The following LRRC74A variants were observed in gnomAD, a reference collection of about 807,000 sequenced individuals.
LRRC74A encodes leucine rich repeat containing 74A.
LRRC74A carries 44 observed loss-of-function variants against 57.9 expected under a neutral mutation model. That is an observed-to-expected ratio of 0.76 (90% CI 0.60 to 0.98). The LOEUF (loss-of-function observed/expected upper bound fraction) is 0.98. LRRC74A is among the 50% of genes least tolerant of loss of function. The probability of loss-of-function intolerance (pLI) is 0.00; values close to 1 mark genes in which losing one functional copy is unlikely to be tolerated. For missense variants in LRRC74A, 572 were observed against 574.0 expected (o/e 1.00, Z 0.04); for synonymous variants, 211 against 219.4 (o/e 0.96, Z 0.34).
chr14:76,859,257 A>C (rs1290925950), intron 10 of LRRC74A, among the ~76,000 whole-genome samples: 1 of 152,114 alleles, frequency 6.6e-6, no homozygotes, highest in East Asian at 1.9e-4. Context: ...ATGTTCTCTC[A>C]GGCGCGGTGA....
rs527423970 is a variant in LRRC74A at position 76,830,874 on chromosome 14, AT to A, written c.167-328del. Among the ~76,000 whole-genome samples, 31 of 152,362 alleles carry A rather than the reference AT, an allele frequency of 2.0e-4. 1 individual carries two copies. In the East Asian group the frequency reaches 5.8e-3, roughly 28 times the overall value. Reference sequence around the variant, plus strand: ...GTGGGCAAGAGGGCTTGGGCCTTCTATGTCCTTGATGACCAGTCACTGGATG... The same window carrying A: ...GTGGGCAAGAGGGCTTGGGCCTTCTAGTCCTTGATGACCAGTCACTGGATG... On this transcript the variant is annotated intron_variant, in intron 2 of 13. Coordinates refer to ENST00000689127, the MANE Select transcript of LRRC74A (RefSeq NM_001385106.1).
At position 76,837,900 on chromosome 14, in the gene LRRC74A, T is replaced by G. The variant is rs778624986; in HGVS notation, c.473T>G (p.Leu158Trp). The part of the protein sequence containing the change: ...EMNISNNHLG[L>W]EGARIISDFF... ...AATATTTCCAACAATCACCTTGGTT[T>G]GGAGGGGGCCAGAATCATCTCAGAT... The change falls in exon 5 of 14, where the codon TTG becomes TGG. Residue 158 changes from leucine to tryptophan, a missense_variant. By Grantham distance (61) the Leu-to-Trp change is moderately conservative. Coordinates refer to ENST00000689127, the MANE Select transcript of LRRC74A (RefSeq NM_001385106.1). The G allele has an allele frequency of 5.0e-6, 8 of 1,592,488 alleles. No homozygotes were observed. The highest frequency in any genetic ancestry group is 6.8e-6 in the Non-Finnish European group (8 of 1,168,006).
At chr14:76,844,690 A>AC in intron 6 of LRRC74A, 130 bp from the exon 7 acceptor site, 1 of 693,914 alleles carries the variant, frequency 1.4e-6, no homozygotes, top group Non-Finnish European at 2.5e-6. Flanking sequence ...CCAACAAAAA[A>AC]TGCCTAAGAC....
At chr14:76,847,492 G>A (rs987536077) in intron 7 of LRRC74A, among the ~76,000 whole-genome samples, 1 of 151,988 alleles carries the variant, frequency 6.6e-6, no homozygotes, top group Non-Finnish European at 1.5e-5. Flanking sequence ...TAAATTATGA[G>A]AACACACGAA....
chr14:76,831,897 C>G (rs1192622844), intron 3 of LRRC74A, among the ~76,000 whole-genome samples: 2 of 152,188 alleles, frequency 1.3e-5, no homozygotes, highest in East Asian at 3.9e-4. Context: ...CAAACAAGGA[C>G]TTGACCTTGA....
At chr14:76,826,919 G>A (rs1426106679) in intron 1 of LRRC74A, among the ~76,000 whole-genome samples, 185 bp downstream of exon 1, 1 of 152,184 alleles carries the variant, frequency 6.6e-6, no homozygotes, top group African/African-American at 2.4e-5. Context: ...GCAGTGCTAT[G>A]CCACAACTAC....
At chr14:76,865,668 C>G (rs1898721156) in intron 11 of LRRC74A, among the ~76,000 whole-genome samples, 1 of 152,234 alleles carries the variant, frequency 6.6e-6, no homozygotes, top group African/African-American at 2.4e-5. Flanking sequence ...GACTTCAGTC[C>G]TTCCAACTTT....
rs144601553 is a variant in LRRC74A, at chr14:76,865,247, T to G, written c.1201-721T>G. Among the ~76,000 whole-genome samples the G allele has an allele frequency of 2.6e-5, 4 of 152,340 alleles. No homozygotes were observed. In the East Asian group the frequency reaches 7.7e-4, roughly 29 times the overall value. ...CAGTCAGCCCTTCGTACCTGTGGGTTCTGCATATGCAAATGTGGATCCAAA... is the reference window on the plus strand; with the variant it reads ...CAGTCAGCCCTTCGTACCTGTGGGTGCTGCATATGCAAATGTGGATCCAAA... On this transcript the variant is annotated intron_variant, in intron 11 of 13. Transcript: ENST00000689127.
chr14:76,842,855 G>A (rs1027137160), intron 5 of LRRC74A, among the ~76,000 whole-genome samples: 1 of 152,198 alleles, frequency 6.6e-6, no homozygotes, highest in Non-Finnish European at 1.5e-5. Flanking sequence ...TAAGGTGAGT[G>A]AGCCATTTGC....
At chr14:76,846,810 C>T (rs1206299600) in intron 7 of LRRC74A, among the ~76,000 whole-genome samples, 2 of 132,708 alleles carry the variant, frequency 1.5e-5, no homozygotes, top group East Asian at 2.6e-4. Flanking sequence ...ATTTTGGCCA[C>T]GTGATGTTTG....
intron 2 of LRRC74A, 57 bp from the exon 3 acceptor site, chr14:76,831,146 G>A (rs2140255879): frequency 1.3e-6 from 2 of 1,555,964 alleles, no homozygotes; most frequent in East Asian, 4.5e-5. Context: ...TGGGGCTAGA[G>A]GGGAGAGAAG....
chr14:76,839,972 G>A (rs1404341757), intron 5 of LRRC74A, among the ~76,000 whole-genome samples: 1 of 152,022 alleles, frequency 6.6e-6, no homozygotes, highest in Non-Finnish European at 1.5e-5. Context: ...CTTGTGATCT[G>A]CCCGCCTCAG....
At chr14:76,843,529 G>T (rs1896921587) in intron 5 of LRRC74A, among the ~76,000 whole-genome samples, 2 of 152,060 alleles carry the variant, frequency 1.3e-5, no homozygotes, top group Admixed American at 6.6e-5. Context: ...TAGGCTGGGG[G>T]TTGATGCTGC....
chr14:76,838,170 A>G (rs1896502626), intron 5 of LRRC74A, among the ~76,000 whole-genome samples, 199 bp downstream of exon 5: 1 of 152,200 alleles, frequency 6.6e-6, no homozygotes, highest in South Asian at 2.1e-4. Flanking sequence ...CTGACATTAC[A>G]GATGATATAT....
chr14:76,835,465 C>A (rs185376577), intron 3 of LRRC74A, among the ~76,000 whole-genome samples: 344 of 141,314 alleles, frequency 2.4e-3, no homozygotes, highest in African/African-American at 9.0e-3. Flanking sequence ...CCATCCTGGG[C>A]GACAGAGCAA....
intron 11 of LRRC74A, among the ~76,000 whole-genome samples, chr14:76,863,185 A>AGTGT (rs112669509): frequency 0.067 from 9,738 of 144,770 alleles, 372 homozygotes; most frequent in Admixed American, 0.1. Context: ...CATGCATGTG[A>AGTGT]GTGTGTGTGT....
intron 8 of LRRC74A, 78 bp from the exon 9 acceptor site, chr14:76,853,138 G>A: frequency 1.5e-6 from 2 of 1,357,632 alleles, no homozygotes; most frequent in Non-Finnish European, 1.0e-6. Flanking sequence ...GCCAACAGGG[G>A]GTAGAAATCG....
At position 76,828,330 on chromosome 14, in the gene LRRC74A, A is replaced by C; in HGVS notation, c.77A>C (p.Lys26Thr). The C allele has an allele frequency of 6.2e-7, 1 of 1,610,430 alleles. No individual in the cohort carries two copies. The highest frequency in any genetic ancestry group is 8.5e-7 in the Non-Finnish European group (1 of 1,176,862). The part of the protein sequence containing the change: ...EIEPVRQSSD[K>T]MLYCEAESPP... ...GAGCCAGTACGACAGAGCAGCGATA[A>C]AATGCTCTACTGTGAGGCCGAATCC... The change falls in exon 2 of 14, where the codon AAA becomes ACA. Residue 26 changes from lysine (K) to threonine (T), a missense_variant. Physicochemically the swap from Lys to Thr is moderately conservative, Grantham distance 78. Transcript: ENST00000689127.
At chr14:76,832,986 CT>C (rs1442013122) in intron 3 of LRRC74A, among the ~76,000 whole-genome samples, 1 of 152,176 alleles carries the variant, frequency 6.6e-6, no homozygotes, top group African/African-American at 2.4e-5. Flanking sequence ...TCTCCCCTCC[CT>C]TCTTCCCTGA....
Sources: gnomAD v4.1 joint callset for allele counts (sites outside exome capture counted in the v4.1 genomes callset) on GRCh38, gnomAD v4.1.1 for gene constraint, MANE v1.5 for transcripts, NCBI Gene and HGNC (gene_info 2026-07-23, HGNC 2026-07-21) for gene names.